The following TRIM37 variants were observed in gnomAD, a reference collection of about 807,000 sequenced individuals.
The protein encoded by TRIM37 is tripartite motif containing 37.
In TRIM37, 80 loss-of-function variants were observed where a neutral mutation model predicts 129.8. The ratio of observed to expected loss-of-function variants is 0.62; its 90% CI spans 0.51 to 0.74. The LOEUF (loss-of-function observed/expected upper bound fraction) is 0.74, where lower values mean the gene tolerates loss of function less well. Among genes scored for constraint, TRIM37 ranks in the 30% least tolerant of loss-of-function variants. The pLI, the probability that TRIM37 is intolerant of heterozygous loss-of-function variation, is 0.00. For synonymous variants in TRIM37, 389 were observed against 387.1 expected (o/e 1.00, Z -0.06); for missense variants, 1,054 against 1,176.5 (o/e 0.90, Z 1.52).
chr17:59,008,706 C>T (rs2034861165), intron 22 of TRIM37, among the ~76,000 whole-genome samples: 1 of 152,106 alleles, frequency 6.6e-6, no homozygotes. Context: ...TAAGACCAGT[C>T]TGAGCATACA....
At chr17:59,018,439 T>G (rs1258974036) in intron 19 of TRIM37, among the ~76,000 whole-genome samples, 1 of 152,234 alleles carries the variant, frequency 6.6e-6, no homozygotes, top group Non-Finnish European at 1.5e-5. Context: ...CAAAATAACT[T>G]ATTGTATTTC....
At chr17:59,007,736 G>T (rs2034722903) in intron 22 of TRIM37, among the ~76,000 whole-genome samples, 1 of 152,114 alleles carries the variant, frequency 6.6e-6, no homozygotes. Context: ...CAGTAAAAAG[G>T]AAAAGGCCTA....
At chr17:59,079,628 G>C (rs1248606383) in intron 7 of TRIM37, 126 bp downstream of exon 7, 4 of 1,193,734 alleles carry the variant, frequency 3.4e-6, no homozygotes, top group Non-Finnish European at 4.9e-6. Flanking sequence ...TGTCTAAATT[G>C]TAACAACATG....
Position 59,032,034 on chromosome 17 carries a change from A to G in TRIM37, c.1810T>C (p.Cys604Arg). 2 of 1,614,214 alleles carry G rather than the reference A, an allele frequency of 1.2e-6. No individual in the cohort carries two copies. The highest frequency in any genetic ancestry group is 1.7e-6 in the Non-Finnish European group (2 of 1,180,048). The change falls in exon 18 of 24, where the codon TGC (cysteine) becomes CGC (arginine). Residue 604 changes from cysteine to arginine, a missense_variant. Coordinates refer to ENST00000262294, the MANE Select transcript of TRIM37 (RefSeq NM_015294.6). ...AGTAAACTACTGGTAGCAGCGGAGC[A>G]TAAATGTGTTCTTCTTGATATTCTA... ...SSRISRRTHL[C>R]SAATSSLLDI...
intron 22 of TRIM37, among the ~76,000 whole-genome samples, chr17:59,004,091 A>G (rs1027299585): frequency 1.9e-4 from 29 of 152,134 alleles, no homozygotes; most frequent in African/African-American, 6.8e-4. Flanking sequence ...CCTAGGTAAC[A>G]GAACACAAGA....
chr17:59,087,047 G>T (rs2043814594), intron 4 of TRIM37, among the ~76,000 whole-genome samples: 1 of 152,126 alleles, frequency 6.6e-6, no homozygotes, highest in Non-Finnish European at 1.5e-5. Flanking sequence ...TGCTACAAGT[G>T]ACAGAATTCC....
rs1312837709 is a variant in TRIM37 at position 59,017,425 on chromosome 17, C to T, written c.2258-1G>A. The T allele has an allele frequency of 3.1e-6, 5 of 1,613,792 alleles. No individual in the cohort carries two copies. The highest frequency in any genetic ancestry group is 3.4e-6 in the Non-Finnish European group (4 of 1,179,882). On this transcript the variant is annotated splice_acceptor_variant, in intron 19 of 23. Coordinates refer to ENST00000262294, the MANE Select transcript of TRIM37 (RefSeq NM_015294.6). LOFTEE classifies it high-confidence loss of function. ...GGCGAATTACTCTTCTTATTTGTGG[C>T]TGCAAAGACATTTAAGAACACCTCT...
At chr17:59,095,210 G>A (rs533407864) in intron 2 of TRIM37, among the ~76,000 whole-genome samples, 1 of 151,644 alleles carries the variant, frequency 6.6e-6, no homozygotes, top group African/African-American at 2.4e-5. Context: ...AGCAAGACTC[G>A]GTCTCTTAAA....
chr17:58,981,717 G>T (rs912913498), downstream of TRIM37: 20 of 150,660 alleles, frequency 1.3e-4, no homozygotes, highest in Non-Finnish European at 1.0e-4. Flanking sequence ...TAGGGCTGTA[G>T]TTATTTGGGA....
chr17:59,083,869 A>C, intron 5 of TRIM37, 133 bp downstream of exon 5: 2 of 745,580 alleles, frequency 2.7e-6, no homozygotes, highest in South Asian at 1.5e-5. Flanking sequence ...TACCTTTAAT[A>C]AAGCGTATAG....
At chr17:59,021,073 C>T (rs1371252779) in intron 19 of TRIM37, among the ~76,000 whole-genome samples, 1 of 152,140 alleles carries the variant, frequency 6.6e-6, no homozygotes, top group Non-Finnish European at 1.5e-5. Context: ...TTGGAAGCAA[C>T]CTAAGATCCA....
chr17:59,001,819 A>T (rs1025204929), intron 22 of TRIM37, 105 bp from the exon 23 acceptor site: 8 of 1,475,738 alleles, frequency 5.4e-6, no homozygotes, highest in Non-Finnish European at 7.4e-6. Flanking sequence ...TGAATTTTAC[A>T]TGGAATGCCA....
intron 19 of TRIM37, among the ~76,000 whole-genome samples, chr17:59,025,428 ATAT>A (rs1568008562): frequency 2.6e-5 from 4 of 151,520 alleles, no homozygotes; most frequent in Middle Eastern, 3.5e-3. Flanking sequence ...AATGTTAATT[ATAT>A]TATTAATATT....
rs573870967 is a variant in TRIM37, at chr17:59,020,417, A to G, written c.2258-2993T>C. ...AAAAAAAACAGAAGTAAGCAATAAA[A>G]TAAGTGAAAAAGAAGTTAACAACCC... On this transcript the variant is annotated intron_variant, in intron 19 of 23. Coordinates refer to ENST00000262294, the MANE Select transcript of TRIM37 (RefSeq NM_015294.6). Among the ~76,000 whole-genome samples the G allele has an allele frequency of 2.0e-4, 31 of 152,014 alleles. No homozygotes were observed. In the East Asian group the frequency reaches 4.2e-3, roughly 21 times the overall value.
chr17:58,973,184 G>A, the TRIM37 span, among the ~76,000 whole-genome samples: 43 of 152,246 alleles, frequency 2.8e-4, no homozygotes, highest in Non-Finnish European at 5.1e-4. Context: ...TTGGGAGGCC[G>A]AGGCGGGTGT....
At chr17:58,987,758 C>A (rs2031952760) in intron 24 of TRIM37, among the ~76,000 whole-genome samples, 1 of 152,176 alleles carries the variant, frequency 6.6e-6, no homozygotes, top group African/African-American at 2.4e-5. Flanking sequence ...CTAATCTTAT[C>A]ACCTTTATAA....
At chr17:58,971,398 C>T in the TRIM37 span, among the ~76,000 whole-genome samples, 1 of 152,124 alleles carries the variant, frequency 6.6e-6, no homozygotes, top group Non-Finnish European at 1.5e-5. Flanking sequence ...AAGTCATGCT[C>T]ATTTGGTGGT....
At position 59,076,196 on chromosome 17, in the gene TRIM37, A is replaced by C. The variant is rs959167458; in HGVS notation, c.617-482T>G. 2.0e-5 allele frequency among the ~76,000 whole-genome samples: 3 copies of C among 152,190 alleles called. No individual in the cohort carries two copies. The East Asian group carries it at 5.8e-4, about 29-fold the overall frequency. ...ATACAAGGACCTGTTTAAAAAAAAA[A>C]ATGCCCACAGAGGTGAACAGTCTCA... On this transcript the variant is annotated intron_variant, in intron 7 of 23. Coordinates refer to ENST00000262294, the MANE Select transcript of TRIM37 (RefSeq NM_015294.6).
At chr17:59,070,784 A>C in intron 9 of TRIM37, 39 bp downstream of exon 9, 1 of 1,604,782 alleles carries the variant, frequency 6.2e-7, no homozygotes, top group Non-Finnish European at 8.5e-7. Context: ...ATTTCCACAT[A>C]AATTTCAAAT....
Sources: gnomAD v4.1 joint callset for allele counts (sites outside exome capture counted in the v4.1 genomes callset) on GRCh38, gnomAD v4.1.1 for gene constraint, MANE v1.5 for transcripts, NCBI Gene and HGNC (gene_info 2026-07-23, HGNC 2026-07-21) for gene names.